The following CYRIB variants were observed in gnomAD, a reference collection of about 807,000 sequenced individuals.
The protein encoded by CYRIB is CYFIP-related Rac1 interactor B.
CYRIB carries 8 observed loss-of-function variants against 44.2 expected under a neutral mutation model. The ratio of observed to expected loss-of-function variants is 0.18; its 90% CI spans 0.11 to 0.33. The LOEUF (loss-of-function observed/expected upper bound fraction) is 0.33. Ranked by LOEUF, CYRIB falls within the 10% of genes least tolerant of loss-of-function variation. The pLI is 1.00. For synonymous variants in CYRIB, 131 were observed against 127.2 expected, an observed-to-expected ratio of 1.03 and a Z score of -0.20; for missense variants, 185 against 382.8, an observed-to-expected ratio of 0.48 and a Z score of 4.31.
chr8:129,927,497 A>G (rs2088555120), intron 1 of CYRIB, among the ~76,000 whole-genome samples: 1 of 152,232 alleles, frequency 6.6e-6, no homozygotes, highest in Non-Finnish European at 1.5e-5. Context: ...AAAGCTGACA[A>G]TAAATGTATT....
chr8:129,911,420 T>G (rs569896278), intron 1 of CYRIB, among the ~76,000 whole-genome samples: 1 of 152,208 alleles, frequency 6.6e-6, no homozygotes, highest in Non-Finnish European at 1.5e-5. Flanking sequence ...TATTATAATA[T>G]TCCTTTCTGT....
chr8:129,910,637 A>C (rs747477006), intron 1 of CYRIB, among the ~76,000 whole-genome samples: 2 of 152,012 alleles, frequency 1.3e-5, no homozygotes, highest in Non-Finnish European at 1.5e-5. Context: ...ATACACACAA[A>C]AATTAAAATG....
At chr8:129,890,073 C>T (rs931769234) in intron 2 of CYRIB, among the ~76,000 whole-genome samples, 4 of 152,018 alleles carry the variant, frequency 2.6e-5, no homozygotes, top group African/African-American at 7.2e-5. Context: ...TACTCCCAGC[C>T]GAAAATGGTT....
At chr8:129,958,359 C>T (rs1564415126) in intron 2 of CYRIB, among the ~76,000 whole-genome samples, 1 of 152,158 alleles carries the variant, frequency 6.6e-6, no homozygotes, top group Non-Finnish European at 1.5e-5. Context: ...TCTTCCTGAT[C>T]TGTCGGATGT....
rs10094672 is a variant in CYRIB, at chr8:129,880,061, T to G, written c.-10-590A>C. ...ATTCTGATTTTTAAAATAAAATTAT[T>G]ACAGGATTATAAGCGAATATTGTTT... On this transcript the variant is annotated intron_variant, in intron 2 of 11. Coordinates refer to ENST00000519824, the Ensembl canonical transcript of CYRIB. Among the ~76,000 whole-genome samples, 687 of 152,310 alleles carry G rather than the reference T, an allele frequency of 4.5e-3. 6 individuals carry two copies. Among genetic ancestry groups the G allele is most frequent in the African/African-American group, 0.016 (659 of 41,580 alleles).
At chr8:130,001,525 C>CT (rs1325066581) in intron 1 of CYRIB, among the ~76,000 whole-genome samples, 1,791 of 120,326 alleles carry the variant, frequency 0.015, 31 homozygotes, top group African/African-American at 0.032. Flanking sequence ...AAAATAATTT[C>CT]TTTTTTTTTT....
chr8:129,911,257 T>C (rs1451128768), intron 1 of CYRIB, among the ~76,000 whole-genome samples: 3 of 152,268 alleles, frequency 2.0e-5, no homozygotes, highest in East Asian at 1.9e-4. Flanking sequence ...ACCCTTTTCA[T>C]TGATGAGCAA....
chr8:129,886,721 C>T (rs2062911413), intron 2 of CYRIB, among the ~76,000 whole-genome samples: 1 of 152,056 alleles, frequency 6.6e-6, no homozygotes, highest in Non-Finnish European at 1.5e-5. Context: ...CCTTACCTTG[C>T]CTGCCAGGAG....
chr8:129,860,510 A>T (rs1332589583), intron 5 of CYRIB, among the ~76,000 whole-genome samples: 1 of 152,236 alleles, frequency 6.6e-6, no homozygotes, highest in African/African-American at 2.4e-5. Flanking sequence ...AATAAATTAC[A>T]ATTCTTATTT....
At chr8:129,953,855 CTAGTA>C (rs1238100872) in intron 2 of CYRIB, among the ~76,000 whole-genome samples, 1 of 152,126 alleles carries the variant, frequency 6.6e-6, no homozygotes, top group African/African-American at 2.4e-5. Flanking sequence ...ACTGTGTAAC[CTAGTA>C]TTTGAAATAC....
At chr8:129,906,115 T>G (rs2075246896) in intron 1 of CYRIB, among the ~76,000 whole-genome samples, 2 of 152,050 alleles carry the variant, frequency 1.3e-5, no homozygotes, top group Non-Finnish European at 2.9e-5. Flanking sequence ...AAAGTTCATA[T>G]GGAACCAAAA....
intron 2 of CYRIB, among the ~76,000 whole-genome samples, chr8:129,945,889 T>C (rs1206822132): frequency 6.6e-5 from 10 of 152,158 alleles, no homozygotes; most frequent in Admixed American, 6.5e-4. Flanking sequence ...CCAAACCCAC[T>C]GGGTAGCCAT....
upstream of CYRIB, among the ~76,000 whole-genome samples, chr8:129,940,826 T>C (rs780264817): frequency 1.1e-4 from 17 of 152,206 alleles, no homozygotes; most frequent in Non-Finnish European, 4.4e-5. Flanking sequence ...TGTAACAGTA[T>C]GGACTTTTCC....
chr8:129,997,052 A>AGGACGGAGGGAG (rs2096784403), intron 1 of CYRIB, among the ~76,000 whole-genome samples: 1 of 97,014 alleles, frequency 1.0e-5, no homozygotes. Flanking sequence ...GAAGGAAGGA[A>AGGACGGAGGGAG]GGAGGGAGGG....
chr8:129,890,755 T>A (rs1188362002), intron 2 of CYRIB: 3 of 151,976 alleles, frequency 2.0e-5, no homozygotes, highest in African/African-American at 7.3e-5. Flanking sequence ...TAGCCAGGCG[T>A]GGTGGCACGT....
At chr8:129,882,695 A>ACG in intron 2 of CYRIB, among the ~76,000 whole-genome samples, 1 of 152,260 alleles carries the variant, frequency 6.6e-6, no homozygotes, top group East Asian at 1.9e-4. Context: ...CTAGCCATGT[A>ACG]CGTCTGCTCC....
At chr8:129,928,321 T>TAA (rs2089237904) in intron 1 of CYRIB, among the ~76,000 whole-genome samples, 1 of 109,788 alleles carries the variant, frequency 9.1e-6, no homozygotes. Context: ...CCCCATCTCT[T>TAA]AAGAAAAAAA....
chr8:129,960,649 GA>G (rs746019281), intron 2 of CYRIB, among the ~76,000 whole-genome samples: 3,014 of 29,098 alleles, frequency 0.1, 56 homozygotes, highest in Non-Finnish European at 0.14. Context: ...TCTGTCTCAA[GA>G]AAAAAAAAAA....
chr8:129,957,975 A>AT (rs2094962998), intron 2 of CYRIB, among the ~76,000 whole-genome samples: 2 of 151,302 alleles, frequency 1.3e-5, no homozygotes, highest in African/African-American at 4.9e-5. Flanking sequence ...AAAAAAAAAA[A>AT]AAAAAATACA....
Sources: gnomAD v4.1 joint callset for allele counts (sites outside exome capture counted in the v4.1 genomes callset) on GRCh38, gnomAD v4.1.1 for gene constraint, MANE v1.5 for transcripts, NCBI Gene and HGNC (gene_info 2026-07-23, HGNC 2026-07-21) for gene names.